Variants in GALC observed in about 807,000 individuals in gnomAD.
GALC encodes galactocerebrosidase.
Under a neutral mutation model 91.8 loss-of-function variants are expected in GALC, and 77 were observed. The ratio of observed to expected loss-of-function variants is 0.84; its 90% CI spans 0.70 to 1.01. The LOEUF (loss-of-function observed/expected upper bound fraction) is 1.01. GALC is among the 50% of genes least tolerant of loss of function. The pLI is 0.00. For synonymous variants in GALC, 357 were observed against 306.7 expected, an observed-to-expected ratio of 1.16 and a Z score of -1.71; for missense variants, 882 against 855.9, an observed-to-expected ratio of 1.03 and a Z score of -0.38.
intron 4 of GALC, among the ~76,000 whole-genome samples, chr14:87,986,021 CACT>C: frequency 6.6e-6 from 1 of 152,298 alleles, no homozygotes; most frequent in East Asian, 1.9e-4. Context: ...AAATAGGGTT[CACT>C]ACTACATGCA....
Position 87,976,439 on chromosome 14 carries a change from A to G in GALC, c.671T>C (p.Ile224Thr). 1.9e-6 allele frequency: 3 copies of G among 1,613,574 alleles called. No homozygotes were observed. The highest frequency in any genetic ancestry group is 2.5e-6 in the Non-Finnish European group (3 of 1,179,470). ...NYQGLQRVKI[I>T]ASDNLWESIS... ...GGACTCCCAGAGATTATCACTTGCT[A>G]TGATTTTCACTCGCTGGAGACCTTG... The change falls in exon 7 of 17, where the codon ATA becomes ACA. Residue 224 changes from isoleucine (I) to threonine (T), a missense_variant. Transcript: ENST00000261304.
intron 10 of GALC, among the ~76,000 whole-genome samples, chr14:87,961,116 T>C (rs921639954): frequency 6.6e-6 from 1 of 152,130 alleles, no homozygotes; most frequent in Non-Finnish European, 1.5e-5. Context: ...GACTCAATAA[T>C]AAAAACACAA....
At position 87,936,906 on chromosome 14, in the gene GALC, ATATATATTTATT is replaced by A. The variant is rs1313441531; in HGVS notation, c.1912-2040_1912-2029del. On this transcript the variant is annotated intron_variant, in intron 16 of 16. Coordinates refer to ENST00000261304, the MANE Select transcript of GALC (RefSeq NM_000153.4). ...ACCACATATCAGGTACTATATATAT[ATATATATTTATT>A]TATTTTCTCATTGAATCTTCATAAG... is the stretch of plus-strand genomic sequence containing the variant. Among the ~76,000 whole-genome samples, 17 of 138,116 alleles carry A rather than the reference ATATATATTTATT, an allele frequency of 1.2e-4. No individual in the cohort carries two copies. In the South Asian group the frequency reaches 1.8e-3, roughly 15 times the overall value. 90.6% of individuals were successfully genotyped at this position (138,116 alleles called of 152,430 possible). A position where few individuals can be genotyped will look rare whatever the true frequency, so the allele number is the denominator to read the frequency against.
At chr14:87,955,885 G>A (rs1303589320) in intron 10 of GALC, among the ~76,000 whole-genome samples, 1 of 151,562 alleles carries the variant, frequency 6.6e-6, no homozygotes, top group Non-Finnish European at 1.5e-5. Flanking sequence ...AGGAAGTATA[G>A]AGTGGTACTT....
At position 87,954,391 on chromosome 14, in the gene GALC, T is replaced by C. The variant is rs547642971; in HGVS notation, c.1162-3643A>G. On this transcript the variant is annotated intron_variant, in intron 10 of 16. Transcript: ENST00000261304. Reference sequence around the variant, plus strand: ...TGGAACAGGCCCAAGATCAACATTATGTGCTTGTATTATGGAGTCCTGGAG... The same window carrying C: ...TGGAACAGGCCCAAGATCAACATTACGTGCTTGTATTATGGAGTCCTGGAG... The C allele has an allele frequency of 1.8e-5, 29 of 1,599,702 alleles. No homozygotes were observed. In the Middle Eastern group the frequency reaches 5.7e-4, roughly 31 times the overall value.
rs545478964 is a variant in GALC, at chr14:87,947,178, T to G, written c.1489+550A>C. Among the ~76,000 whole-genome samples the G allele has an allele frequency of 1.1e-3, 168 of 152,180 alleles. 2 individuals are homozygous for G. The highest frequency in any genetic ancestry group is 3.8e-3 in the African/African-American group (158 of 41,546). On this transcript the variant is annotated intron_variant, in intron 13 of 16. Coordinates refer to ENST00000261304, the MANE Select transcript of GALC (RefSeq NM_000153.4). ...GGAATATAACTACAATGACCATGTC[T>G]TCTAACTTTTTTCCAAGTGGTTTTC... is the stretch of plus-strand genomic sequence containing the variant.
intron 10 of GALC, chr14:87,954,434 C>T: frequency 6.3e-7 from 1 of 1,591,990 alleles, no homozygotes; most frequent in Non-Finnish European, 8.6e-7. Flanking sequence ...GTACCCTCAA[C>T]TGCAAAGGAA....
In GALC at chr14:87,952,954, A is replaced by G. The variant is rs1396576543; in HGVS notation, c.1162-2206T>C. The G allele has an allele frequency of 1.7e-5, 15 of 891,402 alleles. No individual in the cohort carries two copies. In the African/African-American group the frequency reaches 2.3e-4, roughly 14 times the overall value. 55.2% of individuals were successfully genotyped at this position (891,402 alleles called of 1,614,324 possible). A position where few individuals can be genotyped will look rare whatever the true frequency, so the allele number is the denominator to read the frequency against. On this transcript the variant is annotated intron_variant, in intron 10 of 16. Transcript: ENST00000261304. ...GATGAACAGCCTAAACATCAGTCAG[A>G]TATCTGTGGTCAGAACTTTCACTCA...
At chr14:87,956,609 C>CAG (rs1885566818) in intron 10 of GALC, among the ~76,000 whole-genome samples, 1 of 135,838 alleles carries the variant, frequency 7.4e-6, no homozygotes, top group African/African-American at 3.4e-5. Context: ...CACACACACA[C>CAG]ACACACACAC....
chr14:87,981,006 G>T (rs1886722903), intron 6 of GALC, among the ~76,000 whole-genome samples: 1 of 152,178 alleles, frequency 6.6e-6, no homozygotes, highest in South Asian at 2.1e-4. Context: ...CCTCTGGGTA[G>T]ATACCCAGTA....
At chr14:87,987,200 C>T (rs1483689111) in intron 3 of GALC, 19 of 341,040 alleles carry the variant, frequency 5.6e-5, no homozygotes, top group Non-Finnish European at 8.5e-5. Context: ...TATCAAAGTC[C>T]TCGTATATTC....
chr14:87,986,493 G>T lies in GALC; in HGVS notation c.438C>A (p.Leu146=), dbSNP rs751654966. 1.9e-6 allele frequency: 3 copies of T among 1,558,816 alleles called. No homozygotes were observed. The Admixed American group carries it at 5.0e-5, about 26-fold the overall frequency. ...EAKKRNPNIT[L]IGLPWSFPGW... is the part of the protein sequence containing the mutation. Reference sequence around the variant, plus strand: ...ATTGCAAACTTCATTTCTTACCAATGAGTGTAATATTGGGATTCCTCTTCT... The same window carrying T: ...ATTGCAAACTTCATTTCTTACCAATTAGTGTAATATTGGGATTCCTCTTCT... Residue 146 remains leucine, a synonymous_variant, in exon 4 of 17, where the codon CTC becomes CTA. Coordinates refer to ENST00000261304, the MANE Select transcript of GALC (RefSeq NM_000153.4).
chr14:87,967,602 C>T (rs983138050), intron 8 of GALC, among the ~76,000 whole-genome samples: 77 of 152,252 alleles, frequency 5.1e-4, no homozygotes, highest in Admixed American at 9.2e-4. Flanking sequence ...TTAAGAAATG[C>T]TTCCCTTAGG....
At chr14:87,965,652 A>T in intron 8 of GALC, 23 bp from the exon 9 acceptor site, 1 of 1,612,530 alleles carries the variant, frequency 6.2e-7, no homozygotes, top group Non-Finnish European at 8.5e-7. Flanking sequence ...ATAAAAAAGA[A>T]ACACCAAGAC....
chr14:87,954,599 G>A (rs753311630), intron 10 of GALC: 6 of 1,587,866 alleles, frequency 3.8e-6, no homozygotes, highest in Non-Finnish European at 5.2e-6. Flanking sequence ...TCAAAAAAGT[G>A]CACCTTCCTT....
rs199967869 is a variant in GALC at position 87,976,451 on chromosome 14, C to T, written c.659G>A (p.Arg220Gln). Reference sequence around the variant, plus strand: ...ATTATCACTTGCTATGATTTTCACTCGCTGGAGACCTTGATAATTCAGCAT... The same window carrying T: ...ATTATCACTTGCTATGATTTTCACTTGCTGGAGACCTTGATAATTCAGCAT... ...RKMLNYQGLQ[R>Q]VKIIASDNLW... The change falls in exon 7 of 17, where the codon CGA (arginine) becomes CAA (glutamine). Residue 220 changes from arginine (R) to glutamine (Q), a missense_variant. Coordinates refer to ENST00000261304, the MANE Select transcript of GALC (RefSeq NM_000153.4). 334 of 1,613,168 alleles carry T rather than the reference C, an allele frequency of 2.1e-4. No individual in the cohort carries two copies. The African/African-American group carries it at 3.4e-3, about 17-fold the overall frequency.
Position 87,946,358 on chromosome 14 carries a change from T to C in GALC, c.1490-625A>G, listed in dbSNP as rs993727498. Among the ~76,000 whole-genome samples, 22 of 152,098 alleles carry C rather than the reference T, an allele frequency of 1.4e-4. 1 individual carries two copies. Among genetic ancestry groups the C allele is most frequent in the Non-Finnish European group, 2.9e-4 (20 of 67,992 alleles). On this transcript the variant is annotated intron_variant, in intron 13 of 16. Transcript: ENST00000261304. ...TTTTTAGTTTTACTAAATTAAATTA[T>C]AGTCTTACAATAATGAATGCTGTAG...
In GALC at chr14:87,984,480, CA is replaced by C; in HGVS notation, c.495del (p.Tyr165Ter). On this transcript the variant is annotated frameshift_variant, in exon 5 of 17. Transcript: ENST00000261304. LOFTEE classifies it high-confidence loss of function. ...GWLGKGFDWP[Y>X]VNLQLTAYYV... is the part of the protein sequence containing the mutation. Reference sequence around the variant, plus strand: ...TAATAGGCAGTCAGCTGAAGATTGACATAAGGCCAGTCGAAACCTTTTCCCA... The same window carrying C: ...TAATAGGCAGTCAGCTGAAGATTGACTAAGGCCAGTCGAAACCTTTTCCCA... 1 of 1,614,120 alleles carries C rather than the reference CA, an allele frequency of 6.2e-7. No individual in the cohort carries two copies. Among genetic ancestry groups the C allele is most frequent in the Non-Finnish European group, 8.5e-7 (1 of 1,180,020 alleles).
At chr14:87,963,096 C>A (rs139081173) in intron 10 of GALC, among the ~76,000 whole-genome samples, 1 of 152,224 alleles carries the variant, frequency 6.6e-6, no homozygotes, top group African/African-American at 2.4e-5. Flanking sequence ...AAGGGAAGGT[C>A]GTGAAGGTCG....
Sources: gnomAD v4.1 joint callset for allele counts (sites outside exome capture counted in the v4.1 genomes callset) on GRCh38, gnomAD v4.1.1 for gene constraint, MANE v1.5 for transcripts, NCBI Gene and HGNC (gene_info 2026-07-23, HGNC 2026-07-21) for gene names.